Variants in NLGN1 observed in about 807,000 individuals in gnomAD.
NLGN1 encodes the protein neuroligin-1.
NLGN1 carries 12 observed loss-of-function variants against 65.5 expected under a neutral mutation model. The ratio of observed to expected loss-of-function variants is 0.18; its 90% confidence interval spans 0.12 to 0.30. The LOEUF (loss-of-function observed/expected upper bound fraction) is 0.30. Ranked by LOEUF, NLGN1 falls within the 10% of genes least tolerant of loss-of-function variation. The pLI, the probability that NLGN1 is intolerant of heterozygous loss-of-function variation, is 1.00. For synonymous variants in NLGN1, 350 were observed against 359.5 expected (o/e 0.97, Z 0.30); for missense variants, 750 against 1,007.1 (o/e 0.74, Z 3.46).
At chr3:173,745,618 C>T (rs1190146977) in intron 3 of NLGN1, among the ~76,000 whole-genome samples, 2 of 151,902 alleles carry the variant, frequency 1.3e-5, no homozygotes, top group Non-Finnish European at 2.9e-5. Flanking sequence ...AATTGATGAT[C>T]ATCAGCCCCA....
chr3:174,031,459 G>A (rs2152473233), intron 4 of NLGN1, among the ~76,000 whole-genome samples: 2 of 152,194 alleles, frequency 1.3e-5, no homozygotes, highest in African/African-American at 4.8e-5. Flanking sequence ...ATAAAGGTTT[G>A]TGATAAAAAA....
intron 2 of NLGN1, among the ~76,000 whole-genome samples, chr3:173,580,536 A>G (rs1347180317): frequency 6.6e-6 from 1 of 152,038 alleles, no homozygotes; most frequent in East Asian, 1.9e-4. Context: ...TGTTTGATCT[A>G]TTAAGTCAGT....
chr3:173,784,120 C>T (rs1051705001), intron 3 of NLGN1, among the ~76,000 whole-genome samples: 1 of 152,098 alleles, frequency 6.6e-6, no homozygotes, highest in East Asian at 1.9e-4. Context: ...GTACTCAGAA[C>T]TTTACATCTA....
At chr3:173,798,391 A>G (rs1416835608) in intron 3 of NLGN1, among the ~76,000 whole-genome samples, 7 of 152,108 alleles carry the variant, frequency 4.6e-5, no homozygotes, top group Non-Finnish European at 7.4e-5. Context: ...TGAAAATATA[A>G]TTTTTGAAGT....
intron 4 of NLGN1, among the ~76,000 whole-genome samples, chr3:174,026,725 G>A (rs984347344): frequency 1.3e-5 from 2 of 152,112 alleles, no homozygotes; most frequent in African/African-American, 4.8e-5. Context: ...TATGTCCCAT[G>A]CACTATTAGG....
intron 4 of NLGN1, among the ~76,000 whole-genome samples, chr3:174,070,061 G>A (rs1004917718): frequency 3.3e-5 from 5 of 152,110 alleles, no homozygotes; most frequent in Admixed American, 1.3e-4. Context: ...ATTAGCTGTC[G>A]CTGTTCTTAT....
intron 2 of NLGN1, among the ~76,000 whole-genome samples, chr3:173,602,567 G>C (rs1750717827): frequency 6.6e-6 from 1 of 151,780 alleles, no homozygotes. Flanking sequence ...GGATTTCTAA[G>C]TACAAAAAAA....
chr3:173,549,279 A>T (rs1395584135), intron 2 of NLGN1, among the ~76,000 whole-genome samples: 1 of 151,984 alleles, frequency 6.6e-6, no homozygotes, highest in Non-Finnish European at 1.5e-5. Context: ...ATAGCTTCCT[A>T]GAGTGTTATT....
chr3:173,658,265 G>T (rs1425497640), intron 3 of NLGN1, among the ~76,000 whole-genome samples: 1 of 151,932 alleles, frequency 6.6e-6, no homozygotes, highest in Non-Finnish European at 1.5e-5. Context: ...TTGCTACCAG[G>T]TATGTGATTA....
chr3:173,938,327 G>T (rs916495982), intron 4 of NLGN1, among the ~76,000 whole-genome samples: 16 of 152,188 alleles, frequency 1.1e-4, no homozygotes, highest in African/African-American at 3.9e-4. Context: ...AAATGTAAGA[G>T]CCAGAGCATG....
intron 3 of NLGN1, among the ~76,000 whole-genome samples, chr3:173,606,122 T>C (rs1314361240): frequency 6.6e-6 from 1 of 152,100 alleles, no homozygotes; most frequent in African/African-American, 2.4e-5. Flanking sequence ...TGTTTTTTTC[T>C]TAGTCTTTTC....
chr3:173,462,460 A>G (rs1241664005), intron 2 of NLGN1, among the ~76,000 whole-genome samples: 1 of 152,078 alleles, frequency 6.6e-6, no homozygotes, highest in Non-Finnish European at 1.5e-5. Context: ...ATTTATTTTG[A>G]ATGTCCCTTA....
At chr3:173,616,657 A>G (rs1753145896) in intron 3 of NLGN1, among the ~76,000 whole-genome samples, 1 of 151,960 alleles carries the variant, frequency 6.6e-6, no homozygotes, top group Non-Finnish European at 1.5e-5. Flanking sequence ...TGCAGACACC[A>G]TCCTTCTTCC....
intron 4 of NLGN1, among the ~76,000 whole-genome samples, chr3:173,843,032 A>AC (rs1725076190): frequency 6.6e-6 from 1 of 152,198 alleles, no homozygotes; most frequent in Admixed American, 6.5e-5. Context: ...GGAAGTTCCC[A>AC]AACCCCAAAT....
chr3:174,109,681 A>T (rs1362929337), intron 4 of NLGN1, among the ~76,000 whole-genome samples: 1 of 152,066 alleles, frequency 6.6e-6, no homozygotes, highest in East Asian at 1.9e-4. Context: ...TATCCAACAT[A>T]GAAAAATGTA....
At chr3:173,602,517 A>C (rs1344879802) in intron 2 of NLGN1, among the ~76,000 whole-genome samples, 1 of 152,052 alleles carries the variant, frequency 6.6e-6, no homozygotes, top group East Asian at 1.9e-4. Flanking sequence ...TTAAAGTAGC[A>C]CATCAGTGGG....
chr3:174,089,721 C>T (rs752952256), intron 4 of NLGN1, among the ~76,000 whole-genome samples: 3 of 152,120 alleles, frequency 2.0e-5, no homozygotes, highest in Admixed American at 6.5e-5. Flanking sequence ...ATAAATCATT[C>T]GAGAGAGCTT....
At chr3:174,277,785 C>T (rs1354957330) in intron 5 of NLGN1, among the ~76,000 whole-genome samples, 1 of 151,664 alleles carries the variant, frequency 6.6e-6, no homozygotes, top group Non-Finnish European at 1.5e-5. Context: ...CTAAAACTTT[C>T]CTTCTAATTC....
intron 3 of NLGN1, among the ~76,000 whole-genome samples, chr3:173,765,050 G>A (rs894956283): frequency 5.1e-5 from 6 of 118,204 alleles, no homozygotes; most frequent in Non-Finnish European, 1.0e-4. Context: ...TGCTGTGGGT[G>A]CATGTGTGTG....
Sources: gnomAD v4.1 joint callset for allele counts (sites outside exome capture counted in the v4.1 genomes callset) on GRCh38, gnomAD v4.1.1 for gene constraint, MANE v1.5 for transcripts, NCBI Gene and HGNC (gene_info 2026-07-23, HGNC 2026-07-21) for gene names.